Variants in NEK10 observed in about 807,000 individuals in gnomAD.
The protein encoded by NEK10 is NIMA related kinase 10.
NEK10 carries 122 observed loss-of-function variants against 159.8 expected under a neutral mutation model. That is an observed-to-expected ratio of 0.76 (90% confidence interval 0.66 to 0.89). The LOEUF (loss-of-function observed/expected upper bound fraction) is 0.89. Among genes scored for constraint, NEK10 ranks in the 40% least tolerant of loss-of-function variants. The pLI, the probability that NEK10 is intolerant of heterozygous loss-of-function variation, is 0.00. For synonymous variants in NEK10, 466 were observed against 457.1 expected (o/e 1.02, Z -0.25); for missense variants, 1,342 against 1,323.1 (o/e 1.01, Z -0.22).
At chr3:27,222,768 TAA>T (rs11307328) in intron 23 of NEK10, among the ~76,000 whole-genome samples, 7 of 151,638 alleles carry the variant, frequency 4.6e-5, no homozygotes, top group African/African-American at 1.7e-4. Context: ...CATTTTCATG[TAA>T]AAAAAAACTC....
At chr3:27,269,813 T>C (rs138072973) in intron 22 of NEK10, among the ~76,000 whole-genome samples, 66 of 152,334 alleles carry the variant, frequency 4.3e-4, no homozygotes, top group African/African-American at 1.5e-3. Context: ...TTAAAAATCA[T>C]TTTAATACAT....
chr3:27,360,998 C>A (rs1228876802), intron 1 of NEK10, among the ~76,000 whole-genome samples: 1 of 152,158 alleles, frequency 6.6e-6, no homozygotes, highest in African/African-American at 2.4e-5. Context: ...ACTTAATCCT[C>A]GAAATAGTTA....
intron 23 of NEK10, among the ~76,000 whole-genome samples, chr3:27,209,167 T>C (rs1025288754): frequency 2.0e-5 from 3 of 152,200 alleles, no homozygotes; most frequent in Admixed American, 6.5e-5. Context: ...TTGAAAAATA[T>C]GCTAAAAAAT....
chr3:27,180,378 G>C lies in NEK10; in HGVS notation c.2506-5545C>G, dbSNP rs1252490608. Among the ~76,000 whole-genome samples the C allele has an allele frequency of 2.1e-5, 3 of 141,806 alleles. No homozygotes were observed. The Admixed American group carries it at 2.2e-4, about 10-fold the overall frequency. The allele number at this position is 141,806 out of a possible 152,430, so 93.0% of individuals were successfully genotyped here. ...CCACTGCACTCCATCCTGGGTGACA[G>C]AGTGAGACTGTATCTCAAAAAAGAA... On this transcript the variant is annotated intron_variant, in intron 26 of 35. Transcript: ENST00000691995.
At chr3:27,113,120 T>A (rs1332387386) in intron 35 of NEK10, among the ~76,000 whole-genome samples, 1 of 152,182 alleles carries the variant, frequency 6.6e-6, no homozygotes, top group Admixed American at 6.5e-5. Context: ...TCCCAAGATA[T>A]GTTCTATCAT....
chr3:27,284,785 A>T, intron 21 of NEK10, 55 bp downstream of exon 21: 1 of 1,548,974 alleles, frequency 6.5e-7, no homozygotes, highest in Non-Finnish European at 8.9e-7. Flanking sequence ...GTCTTTAAGA[A>T]GCCAGCTCAG....
chr3:27,269,329 G>T (rs11928235), intron 22 of NEK10, among the ~76,000 whole-genome samples: 3,743 of 152,276 alleles, frequency 0.025, 156 homozygotes, highest in African/African-American at 0.086. Context: ...TCATGCTACA[G>T]ACATTTATTT....
chr3:27,299,437 C>A (rs9876597), intron 13 of NEK10, among the ~76,000 whole-genome samples: 1 of 152,176 alleles, frequency 6.6e-6, no homozygotes, highest in Non-Finnish European at 1.5e-5. Context: ...CAGAAGTTTG[C>A]TGCAGGGGCG....
At chr3:27,151,031 C>T (rs1246645495) in intron 30 of NEK10, among the ~76,000 whole-genome samples, 1 of 152,150 alleles carries the variant, frequency 6.6e-6, no homozygotes, top group Non-Finnish European at 1.5e-5. Flanking sequence ...AGCTCTGGCA[C>T]ACCTAGCTCT....
intron 22 of NEK10, among the ~76,000 whole-genome samples, chr3:27,266,265 T>A (rs2040883917): frequency 1.3e-5 from 2 of 152,220 alleles, no homozygotes; most frequent in African/African-American, 2.4e-5. Context: ...CCTAGCCCAA[T>A]ACTGCAAAGA....
intron 30 of NEK10, among the ~76,000 whole-genome samples, chr3:27,157,718 G>A (rs182811911): frequency 1.2e-3 from 180 of 152,298 alleles, no homozygotes; most frequent in African/African-American, 3.7e-3. Context: ...TCTACTGTGA[G>A]TAAGATGCTA....
At chr3:27,196,736 C>T (rs558701652) in intron 25 of NEK10, among the ~76,000 whole-genome samples, 3 of 152,276 alleles carry the variant, frequency 2.0e-5, no homozygotes, top group South Asian at 4.1e-4. Flanking sequence ...ACCTTTCCCT[C>T]GCCCTTTGTG....
rs1206283492 is a variant in NEK10, at chr3:27,174,429, G to C, written c.2776+10C>G. The stretch of plus-strand genomic sequence containing the variant: ...TCCCACAAACAGCAAATTGATAACA[G>C]AAAGCTTACTGAATGTAGATTCTTT... On this transcript the variant is annotated intron_variant, in intron 28 of 35. Coordinates refer to ENST00000691995, the MANE Select transcript of NEK10 (RefSeq NM_001394966.1). The C allele has an allele frequency of 6.2e-7, 1 of 1,607,632 alleles. No individual in the cohort carries two copies. The highest frequency in any genetic ancestry group is 8.5e-7 in the Non-Finnish European group (1 of 1,178,984).
chr3:27,204,301 G>GTTTTTTTTTTTTTT (rs567092116), intron 23 of NEK10, among the ~76,000 whole-genome samples: 25 of 66,328 alleles, frequency 3.8e-4, no homozygotes, highest in East Asian at 1.8e-3. Flanking sequence ...TTTTGTTGTT[G>GTTTTTTTTTTTTTT]TTTTTTTTTT....
chr3:27,162,625 A>T, intron 30 of NEK10, 76 bp downstream of exon 30: 1 of 1,614,114 alleles, frequency 6.2e-7, no homozygotes, highest in Non-Finnish European at 8.5e-7. Flanking sequence ...AGGGGGAAAG[A>T]TATGAAACTG....
At chr3:27,117,449 G>A (rs1280136612) in intron 33 of NEK10, among the ~76,000 whole-genome samples, 1 of 152,184 alleles carries the variant, frequency 6.6e-6, no homozygotes, top group African/African-American at 2.4e-5. Flanking sequence ...CAGCAACAGT[G>A]TAAAAGCATT....
At chr3:27,340,697 C>T (rs2047140585) in intron 5 of NEK10, among the ~76,000 whole-genome samples, 2 of 152,036 alleles carry the variant, frequency 1.3e-5, no homozygotes, top group Non-Finnish European at 2.9e-5. Flanking sequence ...GATTAAAAGA[C>T]AAAAAACTAA....
chr3:27,296,166 A>G (rs2043340664), intron 14 of NEK10, among the ~76,000 whole-genome samples: 1 of 152,098 alleles, frequency 6.6e-6, no homozygotes, highest in Non-Finnish European at 1.5e-5. Context: ...TGAACAAATA[A>G]TAATACCTTA....
chr3:27,203,784 T>G (rs1950249007), intron 23 of NEK10, among the ~76,000 whole-genome samples: 1 of 152,188 alleles, frequency 6.6e-6, no homozygotes, highest in Admixed American at 6.5e-5. Flanking sequence ...TTACTGTTCT[T>G]GAGAGGAAGA....
Sources: allele counts gnomAD v4.1 joint callset (sites outside exome capture counted in the v4.1 genomes callset), GRCh38; gene constraint gnomAD v4.1.1; transcripts MANE v1.5; gene names NCBI Gene and HGNC (gene_info 2026-07-23, HGNC 2026-07-21).